CNTN1: variants seen among roughly 807,000 people sequenced by gnomAD.
CNTN1 encodes contactin 1.
Under a neutral mutation model 126.4 loss-of-function variants are expected in CNTN1, and 38 were observed. The observed-to-expected ratio is 0.30, with a 90% CI of 0.23 to 0.39. The LOEUF (loss-of-function observed/expected upper bound fraction) is 0.39, where lower values mean the gene tolerates loss of function less well. Ranked by LOEUF, CNTN1 falls within the 10% of genes least tolerant of loss-of-function variation. The pLI is 1.00. For synonymous variants in CNTN1, 413 were observed against 422.6 expected, an observed-to-expected ratio of 0.98 and a Z score of 0.28; for missense variants, 1,009 against 1,248.4, an observed-to-expected ratio of 0.81 and a Z score of 2.89.
chr12:40,712,929 C>G (rs1352570441), intron 1 of CNTN1, among the ~76,000 whole-genome samples: 2 of 151,870 alleles, frequency 1.3e-5, no homozygotes, highest in Non-Finnish European at 2.9e-5. Flanking sequence ...TGCAGGTAAT[C>G]GGGGGATGTG....
At chr12:40,946,776 C>T (rs1288188600) in intron 14 of CNTN1, among the ~76,000 whole-genome samples, 1 of 151,958 alleles carries the variant, frequency 6.6e-6, no homozygotes, top group Admixed American at 6.6e-5. Context: ...ATTAAGTATG[C>T]ACTGATTTTA....
chr12:41,064,593 T>C (rs1950010606), intron 23 of CNTN1, among the ~76,000 whole-genome samples: 2 of 152,200 alleles, frequency 1.3e-5, no homozygotes, highest in Non-Finnish European at 1.5e-5. Context: ...GTCCCACATG[T>C]TCCATGGGGT....
intron 23 of CNTN1, among the ~76,000 whole-genome samples, chr12:41,035,200 AAACATTCCTTG>A (rs1949229084): frequency 6.6e-6 from 1 of 152,226 alleles, no homozygotes; most frequent in Non-Finnish European, 1.5e-5. Flanking sequence ...AATTTTGCTG[AAACATTCCTTG>A]ATGGAACACA....
At chr12:40,712,163 A>G (rs922233442) in intron 1 of CNTN1, among the ~76,000 whole-genome samples, 1 of 152,160 alleles carries the variant, frequency 6.6e-6, no homozygotes, top group Non-Finnish European at 1.5e-5. Flanking sequence ...CATAAATTCT[A>G]TGAATACTTT....
chr12:40,911,386 G>C (rs989060841), intron 3 of CNTN1, among the ~76,000 whole-genome samples: 11 of 152,094 alleles, frequency 7.2e-5, no homozygotes, highest in African/African-American at 2.7e-4. Flanking sequence ...GGCCGCAAAA[G>C]GCACTTCTTA....
intron 1 of CNTN1, among the ~76,000 whole-genome samples, chr12:40,750,071 G>A (rs2136396221): frequency 6.6e-6 from 1 of 152,186 alleles, no homozygotes; most frequent in South Asian, 2.1e-4. Flanking sequence ...AAGAAGATAA[G>A]CCTGATTGAA....
intron 1 of CNTN1, among the ~76,000 whole-genome samples, chr12:40,790,923 T>C (rs1940197650): frequency 6.6e-6 from 1 of 152,158 alleles, no homozygotes; most frequent in Non-Finnish European, 1.5e-5. Context: ...GCTTTTATTC[T>C]CAGTTAGCCA....
At chr12:40,886,588 A>T (rs1944040847) in intron 1 of CNTN1, among the ~76,000 whole-genome samples, 1 of 151,982 alleles carries the variant, frequency 6.6e-6, no homozygotes, top group Admixed American at 6.5e-5. Context: ...CCCATTTGTC[A>T]ATTTTGGCTT....
intron 7 of CNTN1, among the ~76,000 whole-genome samples, chr12:40,930,557 C>T (rs935591480): frequency 2.6e-5 from 4 of 151,918 alleles, no homozygotes; most frequent in African/African-American, 9.7e-5. Context: ...TGGCCTTTCC[C>T]CAGGCTCCAA....
chr12:40,716,869 A>C (rs894714570), intron 1 of CNTN1, among the ~76,000 whole-genome samples: 2 of 152,204 alleles, frequency 1.3e-5, no homozygotes, highest in African/African-American at 4.8e-5. Context: ...AAAACAGATA[A>C]ATATAACCTG....
chr12:41,069,700 G>A (rs1158198866), intron 23 of CNTN1, among the ~76,000 whole-genome samples: 1 of 151,820 alleles, frequency 6.6e-6, no homozygotes, highest in East Asian at 1.9e-4. Context: ...GGATCATAGG[G>A]ACAGCATACA....
intron 1 of CNTN1, among the ~76,000 whole-genome samples, chr12:40,809,334 C>A (rs1226207450): frequency 6.6e-6 from 1 of 152,122 alleles, no homozygotes; most frequent in Non-Finnish European, 1.5e-5. Flanking sequence ...AATAACTCCA[C>A]AAAATGAATG....
At chr12:41,041,206 C>T (rs1020252672) in intron 23 of CNTN1, among the ~76,000 whole-genome samples, 21 of 151,996 alleles carry the variant, frequency 1.4e-4, no homozygotes, top group African/African-American at 4.8e-4. Flanking sequence ...TGTTTATATG[C>T]TGGATTACAT....
chr12:40,861,034 T>A (rs1943100751), intron 1 of CNTN1, among the ~76,000 whole-genome samples: 1 of 152,124 alleles, frequency 6.6e-6, no homozygotes, highest in Admixed American at 6.6e-5. Flanking sequence ...ACCAAATATC[T>A]ATGTTACCAC....
intron 1 of CNTN1, among the ~76,000 whole-genome samples, chr12:40,796,187 G>A (rs1940419699): frequency 6.6e-6 from 1 of 152,052 alleles, no homozygotes; most frequent in Non-Finnish European, 1.5e-5. Context: ...GGCTTCATGG[G>A]TTGTGGAAGG....
intron 1 of CNTN1, among the ~76,000 whole-genome samples, chr12:40,813,082 CCTTCCTTT>C (rs1941140933): frequency 1.6e-5 from 1 of 60,804 alleles, no homozygotes; most frequent in Admixed American, 1.9e-4. Context: ...TTCCTTCCTT[CCTTCCTTT>C]CTTTCTCTTT....
intron 4 of CNTN1, among the ~76,000 whole-genome samples, chr12:40,920,310 C>T (rs1322283401): frequency 6.7e-6 from 1 of 149,004 alleles, no homozygotes; most frequent in Non-Finnish European, 1.5e-5. Context: ...CCCATGCCCC[C>T]ACCCCACAGG....
intron 15 of CNTN1, among the ~76,000 whole-genome samples, chr12:40,977,499 G>A (rs1181666102): frequency 2.0e-5 from 3 of 151,998 alleles, no homozygotes; most frequent in East Asian, 1.9e-4. Flanking sequence ...AGATGGCTGG[G>A]GGGCTTAGAA....
At chr12:41,065,008 A>AT (rs1197943114) in intron 23 of CNTN1, among the ~76,000 whole-genome samples, 1 of 152,134 alleles carries the variant, frequency 6.6e-6, no homozygotes, top group African/African-American at 2.4e-5. Flanking sequence ...TGTTCCCAAT[A>AT]TATCCTTGTG....
Sources: gnomAD v4.1 joint callset for allele counts (sites outside exome capture counted in the v4.1 genomes callset) on GRCh38, gnomAD v4.1.1 for gene constraint, MANE v1.5 for transcripts, NCBI Gene and HGNC (gene_info 2026-07-23, HGNC 2026-07-21) for gene names.